Variants in SHOX2 observed in about 807,000 individuals in gnomAD.
SHOX2 encodes the protein short stature homeobox protein 2.
Under a neutral mutation model 31.3 loss-of-function variants are expected in SHOX2, and 13 were observed. The observed-to-expected ratio is 0.42, with a 90% CI of 0.27 to 0.66. The LOEUF is 0.66. Ranked by LOEUF, SHOX2 falls within the 30% of genes least tolerant of loss-of-function variation. The probability of loss-of-function intolerance (pLI) is 0.27; values close to 1 mark genes in which losing one functional copy is unlikely to be tolerated. For missense variants in SHOX2, 473 were observed against 443.0 expected (o/e 1.07, Z -0.61); for synonymous variants, 244 against 196.2 (o/e 1.24, Z -2.04).
At position 158,105,277 on chromosome 3, in the gene SHOX2, G is replaced by A. The variant is rs190348966; in HGVS notation, c.346+402C>T. 1,602 of 631,466 alleles carry A rather than the reference G, an allele frequency of 2.5e-3. 9 individuals carry two copies. In the Middle Eastern group the frequency reaches 0.03, roughly 12 times the overall value. 39.1% of individuals were successfully genotyped at this position (631,466 alleles called of 1,614,324 possible). On this transcript the variant is annotated intron_variant, in intron 1 of 4. Transcript: ENST00000483851. Reference sequence around the variant, plus strand: ...CCCCTTCTCCCTCCCGGCAAACTCTGCGCTAGAGGCTAGCTTTAGTCCCGC... The same window carrying A: ...CCCCTTCTCCCTCCCGGCAAACTCTACGCTAGAGGCTAGCTTTAGTCCCGC...
chr3:158,102,652 C>A (rs1471429775), intron 2 of SHOX2, 26 bp downstream of exon 2: 1 of 1,606,390 alleles, frequency 6.2e-7, no homozygotes, highest in African/African-American at 1.3e-5. Context: ...GCTCCCTGGG[C>A]CCTCGACCTC....
At chr3:158,100,231 T>C (rs772819421) in intron 3 of SHOX2, 23 bp downstream of exon 3, 5 of 1,547,834 alleles carry the variant, frequency 3.2e-6, no homozygotes, top group Middle Eastern at 1.8e-4. Flanking sequence ...GACTATCAAA[T>C]GTTCCTTGTA....
Position 158,096,813 on chromosome 3 carries a change from T to TAA in SHOX2, c.*1213_*1214insTT, listed in dbSNP as rs1713112450. ...TCCCCACATATTCTGCCCACCTCTG[T>TAA]CTTCTTAGGACAATGAGTGTAATTT... On this transcript the variant is annotated 3_prime_UTR_variant, in exon 5 of 5. Transcript: ENST00000483851. 1 of 149,506 alleles carries TAA rather than the reference T, an allele frequency of 6.7e-6. No homozygotes were observed. Among genetic ancestry groups the TAA allele is most frequent in the African/African-American group, 2.5e-5 (1 of 40,552 alleles). 9.3% of individuals were successfully genotyped at this position (149,506 alleles called of 1,614,324 possible).
intron 4 of SHOX2, 57 bp downstream of exon 4, chr3:158,099,803 A>G: frequency 7.8e-7 from 1 of 1,282,600 alleles, no homozygotes; most frequent in Non-Finnish European, 1.1e-6. Flanking sequence ...CAACAGTTCA[A>G]GCAAACATTC....
Position 158,106,210 on chromosome 3 carries a change from AGT to A in SHOX2, c.-188_-187del. 1 of 947,366 alleles carries A rather than the reference AGT, an allele frequency of 1.1e-6. No individual in the cohort carries two copies. Among genetic ancestry groups the A allele is most frequent in the Non-Finnish European group, 1.5e-6 (1 of 667,434 alleles). The allele number at this position is 947,366 out of a possible 1,614,324, so 58.7% of individuals were successfully genotyped here. A position where few individuals can be genotyped will look rare whatever the true frequency, so the allele number is the denominator to read the frequency against. On this transcript the variant is annotated 5_prime_UTR_variant, in exon 1 of 5. Transcript: ENST00000483851. Reference sequence around the variant, plus strand: ...AGAAGAAAGAAGAAAGAGGAGGAGAAGTAGAAGGAGAAAAAGAAGTAAGAAGA... The same window carrying A: ...AGAAGAAAGAAGAAAGAGGAGGAGAAAGAAGGAGAAAAAGAAGTAAGAAGA...
At position 158,106,036 on chromosome 3, in the gene SHOX2, G is replaced by C. The variant is rs769461954; in HGVS notation, c.-12C>G. On this transcript the variant is annotated 5_prime_UTR_variant, in exon 1 of 5. Coordinates refer to ENST00000483851, the MANE Select transcript of SHOX2 (RefSeq NM_001163678.2). ...GTAAGTTCTTCCATCGCCGCCGCAC[G>C]TCAGCCCGGCGCTCAACCTCTGCCA... The C allele has an allele frequency of 5.0e-6, 8 of 1,612,046 alleles. No homozygotes were observed. The highest frequency in any genetic ancestry group is 6.8e-6 in the Non-Finnish European group (8 of 1,179,158).
At position 158,099,848 on chromosome 3, in the gene SHOX2, G is replaced by C. The variant is rs1426565068; in HGVS notation, c.702+12C>G. The C allele has an allele frequency of 6.2e-7, 1 of 1,600,524 alleles. No homozygotes were observed. Among genetic ancestry groups the C allele is most frequent in the Non-Finnish European group, 8.6e-7 (1 of 1,167,954 alleles). On this transcript the variant is annotated intron_variant, in intron 4 of 4. Coordinates refer to ENST00000483851, the MANE Select transcript of SHOX2 (RefSeq NM_001163678.2). The stretch of plus-strand genomic sequence containing the variant: ...CATATTTAAAAACAGCTTGAAACTA[G>C]GCTGTACTTGCCTGCTGAAATGGCA...
intron 1 of SHOX2, chr3:158,105,107 A>G: frequency 6.9e-7 from 1 of 1,447,144 alleles, no homozygotes; most frequent in Non-Finnish European, 9.2e-7. Flanking sequence ...CCTGGACCTC[A>G]GCTTTCGTTG....
In SHOX2 at chr3:158,097,667, T is replaced by C. The variant is rs1331759924; in HGVS notation, c.*360A>G. ...TTTTTCATTGTTAACAAGATTTTTTTTTCTATGCAAGAGTCCATCGTTGCA... is the reference window on the plus strand; with the variant it reads ...TTTTTCATTGTTAACAAGATTTTTTCTTCTATGCAAGAGTCCATCGTTGCA... On this transcript the variant is annotated 3_prime_UTR_variant, in exon 5 of 5. Transcript: ENST00000483851. The C allele has an allele frequency of 1.4e-5, 3 of 212,628 alleles. No individual in the cohort carries two copies. The highest frequency in any genetic ancestry group is 5.9e-5 in the Admixed American group (1 of 17,044). The allele number at this position is 212,628 out of a possible 1,614,324, so 13.2% of individuals were successfully genotyped here.
intron 2 of SHOX2, among the ~76,000 whole-genome samples, chr3:158,101,018 C>T (rs191531320): frequency 8.5e-5 from 13 of 152,254 alleles, no homozygotes; most frequent in East Asian, 5.8e-4. Flanking sequence ...GAGCACTCAG[C>T]GAAAGGAGAA....
chr3:158,105,416 A>T (rs1713830258), intron 1 of SHOX2: 1 of 594,298 alleles, frequency 1.7e-6, no homozygotes, highest in South Asian at 2.0e-5. Flanking sequence ...ATTTCGGTGG[A>T]ATGGGAACAT....
chr3:158,100,337 T>C lies in SHOX2; in HGVS notation c.556-26A>G, dbSNP rs529321299. 3.2e-6 allele frequency: 5 copies of C among 1,560,654 alleles called. No homozygotes were observed. In the South Asian group the frequency reaches 6.0e-5, roughly 19 times the overall value. On this transcript the variant is annotated intron_variant, in intron 2 of 4. Coordinates refer to ENST00000483851, the MANE Select transcript of SHOX2 (RefSeq NM_001163678.2). ...CTATAGGTTGGAGGGGGAAAAAAAA[T>C]AAAACCTAGATGTTATGACTAAAAA... is the stretch of plus-strand genomic sequence containing the variant.
intron 1 of SHOX2, chr3:158,103,589 G>A (rs999447080): frequency 1.3e-5 from 2 of 152,354 alleles, no homozygotes; most frequent in Non-Finnish European, 2.9e-5. Flanking sequence ...CCGCCTGCCC[G>A]ACCGGGGTCG....
In SHOX2 at chr3:158,102,879, C is replaced by A. The variant is rs368179422; in HGVS notation, c.354G>T (p.Pro118=). The A allele has an allele frequency of 9.0e-5, 145 of 1,613,758 alleles. No individual in the cohort carries two copies. The highest frequency in any genetic ancestry group is 1.1e-4 in the Non-Finnish European group (135 of 1,180,004). The part of the protein sequence containing the change: ...PGSPRLTEVS[P]ELKDRKEDAK... The stretch of plus-strand genomic sequence containing the variant: ...CATCCTCTTTGCGATCTTTCAGCTC[C>A]GGGGACACTGGAGGGGGCACCCCAG... Residue 118 remains proline, a synonymous_variant, in exon 2 of 5, where the codon CCG becomes CCT. Transcript: ENST00000483851.
In SHOX2 at chr3:158,106,179, A is replaced by T; in HGVS notation, c.-155T>A. The T allele has an allele frequency of 8.0e-7, 1 of 1,255,050 alleles. No homozygotes were observed. Among genetic ancestry groups the T allele is most frequent in the Non-Finnish European group, 1.1e-6 (1 of 923,958 alleles). 77.7% of individuals were successfully genotyped at this position (1,255,050 alleles called of 1,614,324 possible). A position where few individuals can be genotyped will look rare whatever the true frequency, so the allele number is the denominator to read the frequency against. On this transcript the variant is annotated 5_prime_UTR_variant, in exon 1 of 5. Coordinates refer to ENST00000483851, the MANE Select transcript of SHOX2 (RefSeq NM_001163678.2). Reference sequence around the variant, plus strand: ...AGGGAGGAGGAGAAAGAAGAAGAAAAAGAGGAGAAGAAAGAAGAAAGAGGA... The same window carrying T: ...AGGGAGGAGGAGAAAGAAGAAGAAATAGAGGAGAAGAAAGAAGAAAGAGGA...
At chr3:158,100,457 C>A in intron 2 of SHOX2, 146 bp from the exon 3 acceptor site, 1 of 527,110 alleles carries the variant, frequency 1.9e-6, no homozygotes, top group South Asian at 3.1e-5. Context: ...TATAAAACAG[C>A]CTCAAATTCC....
At position 158,096,507 on chromosome 3, in the gene SHOX2, C is replaced by T. The variant is rs1005748918; in HGVS notation, c.*1520G>A. 1.3e-5 allele frequency: 2 copies of T among 151,782 alleles called. No individual in the cohort carries two copies. The highest frequency in any genetic ancestry group is 2.9e-5 in the Non-Finnish European group (2 of 67,944). The allele number at this position is 151,782 out of a possible 1,614,324, so 9.4% of individuals were successfully genotyped here. A position where few individuals can be genotyped will look rare whatever the true frequency, so the allele number is the denominator to read the frequency against. On this transcript the variant is annotated 3_prime_UTR_variant, in exon 5 of 5. Transcript: ENST00000483851. Reference sequence around the variant, plus strand: ...TAAAATGCAAATGTTGAAAGTCAGTCCACACATTATAGTCAAAATAAACTT... The same window carrying T: ...TAAAATGCAAATGTTGAAAGTCAGTTCACACATTATAGTCAAAATAAACTT...
In SHOX2 at chr3:158,105,707, C is replaced by T. The variant is rs1713858671; in HGVS notation, c.318G>A (p.Arg106=). 2 of 1,523,590 alleles carry T rather than the reference C, an allele frequency of 1.3e-6. No individual in the cohort carries two copies. Among genetic ancestry groups the T allele is most frequent in the Non-Finnish European group, 1.8e-6 (2 of 1,137,018 alleles). The allele number at this position is 1,523,590 out of a possible 1,614,324, so 94.4% of individuals were successfully genotyped here. The change falls in exon 1 of 5, where the codon AGG becomes AGA. Residue 106 remains arginine (R), a synonymous_variant. Transcript: ENST00000483851. ...CCGTCAGTCGCGGGCTGCCCGGCTC[C>T]CTGCTTCTCTCGGCGGCGCCCATGT... The part of the protein sequence containing the change: ...ELDMGAAERS[R]EPGSPRLTEV...
In SHOX2 at chr3:158,097,478, T is replaced by G. The variant is rs992026308; in HGVS notation, c.*549A>C. 63 of 152,434 alleles carry G rather than the reference T, an allele frequency of 4.1e-4. 1 individual carries two copies. The highest frequency in any genetic ancestry group is 1.4e-3 in the African/African-American group (59 of 41,592). 9.4% of individuals were successfully genotyped at this position (152,434 alleles called of 1,614,324 possible). ...TCCCCCCAGTCTCTCGAGAATCGTC[T>G]GGGTTGTTTTTCCATATTTTTAAAT... On this transcript the variant is annotated 3_prime_UTR_variant, in exon 5 of 5. Coordinates refer to ENST00000483851, the MANE Select transcript of SHOX2 (RefSeq NM_001163678.2).
Sources: allele counts gnomAD v4.1 joint callset (sites outside exome capture counted in the v4.1 genomes callset), GRCh38; gene constraint gnomAD v4.1.1; transcripts MANE v1.5; gene names NCBI Gene and HGNC (gene_info 2026-07-23, HGNC 2026-07-21).